RBMS3: variants seen among roughly 807,000 people sequenced by gnomAD.
RBMS3 encodes the protein RNA-binding motif, single-stranded-interacting protein 3.
RBMS3 carries 27 observed loss-of-function variants against 66.8 expected under a neutral mutation model. The observed-to-expected ratio is 0.40, with a 90% CI of 0.30 to 0.56. RBMS3 has a LOEUF of 0.56. RBMS3 is among the 20% of genes least tolerant of loss of function. The probability of loss-of-function intolerance (pLI) is 0.40; values close to 1 mark genes in which losing one functional copy is unlikely to be tolerated. For synonymous variants in RBMS3, 188 were observed against 183.0 expected (o/e 1.03, Z -0.22); for missense variants, 513 against 549.5 (o/e 0.93, Z 0.66).
chr3:29,524,847 G>C (rs1023188008), intron 3 of RBMS3, among the ~76,000 whole-genome samples: 1 of 152,132 alleles, frequency 6.6e-6, no homozygotes, highest in East Asian at 1.9e-4. Flanking sequence ...GAGCCTAGCA[G>C]TTTTGGACTA....
intron 14 of RBMS3, among the ~76,000 whole-genome samples, chr3:30,001,213 G>A (rs1051746410): frequency 3.9e-5 from 6 of 151,978 alleles, no homozygotes; most frequent in Non-Finnish European, 8.8e-5. Context: ...CCAGTAGAGG[G>A]AATATACTGT....
At position 29,601,628 on chromosome 3, in the gene RBMS3, A is replaced by C. The variant is rs535390414; in HGVS notation, c.399+14423A>C. On this transcript the variant is annotated intron_variant, in intron 4 of 14. Coordinates refer to ENST00000383767, the MANE Select transcript of RBMS3 (RefSeq NM_001003793.3). ...CAATAATCCTCGAGTATTAAAAAAC[A>C]GACTACCCTCCTATTTTACTGTTCT... Among the ~76,000 whole-genome samples the C allele has an allele frequency of 1.4e-4, 22 of 152,206 alleles. 2 individuals are homozygous for C. In the South Asian group the frequency reaches 4.4e-3, roughly 30 times the overall value.
Position 29,610,444 on chromosome 3 carries a change from A to T in RBMS3, c.399+23239A>T, listed in dbSNP as rs141159406. On this transcript the variant is annotated intron_variant, in intron 4 of 14. Coordinates refer to ENST00000383767, the MANE Select transcript of RBMS3 (RefSeq NM_001003793.3). Reference sequence around the variant, plus strand: ...TTTTTCAGATGTCTGTGTAGATGCCACTTCTTGCAGGACCATTTTGAGGGA... The same window carrying T: ...TTTTTCAGATGTCTGTGTAGATGCCTCTTCTTGCAGGACCATTTTGAGGGA... Among the ~76,000 whole-genome samples the T allele has an allele frequency of 4.6e-5, 7 of 151,792 alleles. No individual in the cohort carries two copies. In the East Asian group the frequency reaches 1.4e-3, roughly 30 times the overall value.
chr3:29,682,712 A>C (rs2051550992), intron 4 of RBMS3, among the ~76,000 whole-genome samples: 1 of 152,134 alleles, frequency 6.6e-6, no homozygotes, highest in African/African-American at 2.4e-5. Flanking sequence ...TAACATTTCT[A>C]TTCTGGTTCA....
At chr3:29,592,230 A>G (rs1406656276) in intron 4 of RBMS3, among the ~76,000 whole-genome samples, 1 of 152,104 alleles carries the variant, frequency 6.6e-6, no homozygotes, top group African/African-American at 2.4e-5. Context: ...TTTACAAAAT[A>G]TATCACCACA....
intron 4 of RBMS3, among the ~76,000 whole-genome samples, chr3:29,602,466 T>C (rs1200863012): frequency 1.3e-5 from 2 of 152,146 alleles, no homozygotes; most frequent in East Asian, 1.9e-4. Context: ...GGAGTTCTCA[T>C]AGGGACTGTT....
chr3:29,624,744 TC>T (rs1368429521), intron 4 of RBMS3, among the ~76,000 whole-genome samples: 1 of 152,194 alleles, frequency 6.6e-6, no homozygotes, highest in East Asian at 1.9e-4. Context: ...ATAAACATAT[TC>T]TTTGTTTCCC....
intron 4 of RBMS3, among the ~76,000 whole-genome samples, chr3:29,591,795 A>G (rs757405259): frequency 4.6e-5 from 7 of 152,174 alleles, no homozygotes; most frequent in African/African-American, 1.7e-4. Context: ...ATCTTATTCT[A>G]GAGGAAATGT....
intron 4 of RBMS3, among the ~76,000 whole-genome samples, chr3:29,639,918 G>T (rs555748375): frequency 6.6e-6 from 1 of 151,760 alleles, no homozygotes; most frequent in African/African-American, 2.4e-5. Flanking sequence ...TTCAGATGAC[G>T]GGGAGATATA....
intron 6 of RBMS3, among the ~76,000 whole-genome samples, chr3:29,846,199 G>C (rs1276665306): frequency 6.6e-6 from 1 of 152,000 alleles, no homozygotes; most frequent in Non-Finnish European, 1.5e-5. Flanking sequence ...TATAAAGAAT[G>C]GTTCCTTTAT....
intron 6 of RBMS3, among the ~76,000 whole-genome samples, chr3:29,785,425 G>C (rs1410130956): frequency 6.6e-6 from 1 of 151,828 alleles, no homozygotes; most frequent in Non-Finnish European, 1.5e-5. Flanking sequence ...TACAGAACTA[G>C]AAAAAACAAT....
chr3:29,879,916 C>T (rs2059697933), intron 7 of RBMS3, among the ~76,000 whole-genome samples: 1 of 152,116 alleles, frequency 6.6e-6, no homozygotes, highest in Admixed American at 6.5e-5. Flanking sequence ...AGTAGCAATG[C>T]CTGGTTCCTA....
At chr3:29,473,536 T>C (rs2042826940) in intron 2 of RBMS3, among the ~76,000 whole-genome samples, 1 of 152,190 alleles carries the variant, frequency 6.6e-6, no homozygotes, top group African/African-American at 2.4e-5. Context: ...TTGATGGGAC[T>C]GGGCGCCGTG....
chr3:29,309,616 G>C (rs945110608), intron 1 of RBMS3, among the ~76,000 whole-genome samples: 1 of 151,504 alleles, frequency 6.6e-6, no homozygotes, highest in Non-Finnish European at 1.5e-5. Context: ...TGGTGGGGGG[G>C]GCGGTGGTGG....
Position 29,929,170 on chromosome 3 carries a change from TCAA to T in RBMS3, c.940-6912_940-6910del, listed in dbSNP as rs572859561. Among the ~76,000 whole-genome samples the T allele has an allele frequency of 8.9e-4, 136 of 152,294 alleles. No individual in the cohort carries two copies. In the Middle Eastern group the frequency reaches 0.014, roughly 15 times the overall value. On this transcript the variant is annotated intron_variant, in intron 10 of 14. Coordinates refer to ENST00000383767, the MANE Select transcript of RBMS3 (RefSeq NM_001003793.3). ...ATTAAGTGTCCTATTGCATATTCAG[TCAA>T]CAAAATCCCTTTGACCGTAGAGTCC... is the stretch of plus-strand genomic sequence containing the variant.
chr3:29,774,908 A>ACATC (rs2056367661), intron 6 of RBMS3, among the ~76,000 whole-genome samples: 1 of 151,958 alleles, frequency 6.6e-6, no homozygotes, highest in Admixed American at 6.6e-5. Flanking sequence ...TTTAAAATAA[A>ACATC]TAAACATCTA....
chr3:29,413,420 A>G (rs1387405097), intron 1 of RBMS3, among the ~76,000 whole-genome samples: 3 of 82,368 alleles, frequency 3.6e-5, no homozygotes, highest in African/African-American at 9.2e-5. Context: ...ATACATACAT[A>G]CATACACAGA....
At chr3:29,617,334 T>G (rs942296112) in intron 4 of RBMS3, among the ~76,000 whole-genome samples, 1 of 152,202 alleles carries the variant, frequency 6.6e-6, no homozygotes, top group Non-Finnish European at 1.5e-5. Flanking sequence ...ATCATTTGTG[T>G]TAAGAAGGTG....
intron 4 of RBMS3, among the ~76,000 whole-genome samples, chr3:29,701,674 C>A (rs1367538697): frequency 6.6e-6 from 1 of 152,082 alleles, no homozygotes; most frequent in Non-Finnish European, 1.5e-5. Context: ...CTCGGAGAGG[C>A]TGGCCGGCGC....
Sources: allele counts gnomAD v4.1 joint callset (sites outside exome capture counted in the v4.1 genomes callset), GRCh38; gene constraint gnomAD v4.1.1; transcripts MANE v1.5; gene names NCBI Gene and HGNC (gene_info 2026-07-23, HGNC 2026-07-21).